The following NEK10 variants were observed in gnomAD, a reference collection of about 807,000 sequenced individuals.
NEK10 encodes serine/threonine-protein kinase Nek10.
A neutral mutation model predicts 159.8 loss-of-function variants in NEK10; 122 were observed. That is an observed-to-expected ratio of 0.76 (90% confidence interval 0.66 to 0.89). The LOEUF (loss-of-function observed/expected upper bound fraction) is 0.89, where lower values mean the gene tolerates loss of function less well. NEK10 is among the 40% of genes least tolerant of loss of function. The pLI, the probability that NEK10 is intolerant of heterozygous loss-of-function variation, is 0.00. For synonymous variants in NEK10, 466 were observed against 457.1 expected, an observed-to-expected ratio of 1.02 and a Z score of -0.25; for missense variants, 1,342 against 1,323.1, an observed-to-expected ratio of 1.01 and a Z score of -0.22.
At chr3:27,319,052 A>C (rs1356527370) in intron 6 of NEK10, among the ~76,000 whole-genome samples, 1 of 152,208 alleles carries the variant, frequency 6.6e-6, no homozygotes, top group Non-Finnish European at 1.5e-5. Flanking sequence ...AACGTGGTAC[A>C]GTGTGTCTCC....
intron 32 of NEK10, among the ~76,000 whole-genome samples, chr3:27,125,592 T>A (rs1941850664): frequency 6.6e-6 from 1 of 152,190 alleles, no homozygotes; most frequent in Non-Finnish European, 1.5e-5. Flanking sequence ...GAGTTTTTAT[T>A]AGCTTTCTAT....
intron 23 of NEK10, among the ~76,000 whole-genome samples, chr3:27,225,397 T>C (rs1376834385): frequency 6.6e-6 from 1 of 152,216 alleles, no homozygotes; most frequent in African/African-American, 2.4e-5. Flanking sequence ...TGACACTCAG[T>C]ATTAACCATC....
chr3:27,196,679 A>G (rs148128381), intron 25 of NEK10, among the ~76,000 whole-genome samples: 2 of 152,328 alleles, frequency 1.3e-5, no homozygotes, highest in East Asian at 3.9e-4. Context: ...CTATTTGCCC[A>G]GATTCACAAA....
At chr3:27,334,067 C>G (rs1052398366) in intron 5 of NEK10, among the ~76,000 whole-genome samples, 1 of 152,200 alleles carries the variant, frequency 6.6e-6, no homozygotes, top group Non-Finnish European at 1.5e-5. Flanking sequence ...AGCCCAGCTT[C>G]ACCCTCCCCT....
intron 5 of NEK10, among the ~76,000 whole-genome samples, chr3:27,328,698 A>G (rs1351574485): frequency 6.6e-6 from 1 of 152,140 alleles, no homozygotes; most frequent in Non-Finnish European, 1.5e-5. Flanking sequence ...GGATTGACAT[A>G]ATCTGAAGGA....
intron 6 of NEK10, among the ~76,000 whole-genome samples, chr3:27,318,934 G>A (rs1372716332): frequency 6.6e-6 from 1 of 152,050 alleles, no homozygotes; most frequent in Non-Finnish European, 1.5e-5. Flanking sequence ...AAAAACTTTG[G>A]GGAAGGTTAT....
chr3:27,299,958 T>C (rs2043674767), intron 13 of NEK10, among the ~76,000 whole-genome samples: 1 of 152,236 alleles, frequency 6.6e-6, no homozygotes, highest in African/African-American at 2.4e-5. Context: ...GGACTTGCCT[T>C]GTCTCAGATG....
intron 5 of NEK10, among the ~76,000 whole-genome samples, chr3:27,340,273 C>G (rs537885832): frequency 6.6e-6 from 1 of 152,100 alleles, no homozygotes; most frequent in Non-Finnish European, 1.5e-5. Context: ...AACCAAACAC[C>G]GCATGTTCTC....
In NEK10 at chr3:27,346,133, C is replaced by A; in HGVS notation, c.216G>T (p.Arg72=). Residue 72 remains arginine (R), a synonymous_variant, in exon 4 of 36, where the codon CGG becomes CGT. Coordinates refer to ENST00000691995, the MANE Select transcript of NEK10 (RefSeq NM_001394966.1). The part of the protein sequence containing the change: ...PAIRAGGHRA[R]GQWHESTEAV... ...CTTCTGTGGATTCATGCCACTGACC[C>A]CGAGCTCTGTGTCCACCCGCCCTGA... 6.2e-7 allele frequency: 1 copy of A among 1,613,762 alleles called. No homozygotes were observed. Among genetic ancestry groups the A allele is most frequent in the Non-Finnish European group, 8.5e-7 (1 of 1,179,730 alleles).
rs539837646 is a variant in NEK10, at chr3:27,286,678, C to G, written c.1789+1020G>C. Among the ~76,000 whole-genome samples, 3 of 151,708 alleles carry G rather than the reference C, an allele frequency of 2.0e-5. No individual in the cohort carries two copies. The South Asian group carries it at 6.2e-4, about 32-fold the overall frequency. On this transcript the variant is annotated intron_variant, in intron 20 of 35. Coordinates refer to ENST00000691995, the MANE Select transcript of NEK10 (RefSeq NM_001394966.1). ...ATGCTAGGATCATAGGCGTGAGCCA[C>G]CGTGCCCGGCCGCCATTTCCAGTTC...
chr3:27,347,592 A>C (rs1297681037), intron 3 of NEK10, among the ~76,000 whole-genome samples: 1 of 151,630 alleles, frequency 6.6e-6, no homozygotes. Context: ...TTACAGAAAA[A>C]TGGATTATAA....
intron 32 of NEK10, among the ~76,000 whole-genome samples, chr3:27,131,381 G>A (rs1942604344): frequency 6.6e-6 from 1 of 152,118 alleles, no homozygotes; most frequent in Non-Finnish European, 1.5e-5. Context: ...TTGTAGTTTA[G>A]TTGCTATATG....
chr3:27,186,893 C>G (rs1209632953), intron 26 of NEK10, among the ~76,000 whole-genome samples: 1 of 152,104 alleles, frequency 6.6e-6, no homozygotes, highest in African/African-American at 2.4e-5. Context: ...CCAAAGCCCC[C>G]ATGTGTCTTG....
At chr3:27,274,618 C>CT (rs1002473897) in intron 22 of NEK10, among the ~76,000 whole-genome samples, 4 of 152,100 alleles carry the variant, frequency 2.6e-5, no homozygotes, top group East Asian at 1.9e-4. Flanking sequence ...GGTGCACTCT[C>CT]TTTTTTTCAC....
intron 32 of NEK10, among the ~76,000 whole-genome samples, chr3:27,124,242 C>T (rs1941675091): frequency 6.6e-6 from 1 of 152,028 alleles, no homozygotes; most frequent in Non-Finnish European, 1.5e-5. Context: ...TAAAAAAATG[C>T]TTAATAACTA....
At chr3:27,196,946 G>A (rs1949611888) in intron 25 of NEK10, among the ~76,000 whole-genome samples, 1 of 152,084 alleles carries the variant, frequency 6.6e-6, no homozygotes, top group Non-Finnish European at 1.5e-5. Flanking sequence ...GGAATCAAAT[G>A]ATTTAAAGAC....
intron 23 of NEK10, among the ~76,000 whole-genome samples, chr3:27,241,305 C>G (rs898530020): frequency 2.0e-5 from 3 of 152,150 alleles, no homozygotes; most frequent in Non-Finnish European, 4.4e-5. Context: ...TAACTTGAAG[C>G]AGATGTTGTA....
chr3:27,352,707 G>T, intron 2 of NEK10, 105 bp downstream of exon 2: 1 of 859,268 alleles, frequency 1.2e-6, no homozygotes, highest in Non-Finnish European at 1.9e-6. Context: ...CTGTAACTCT[G>T]AATAGTAGTT....
intron 30 of NEK10, among the ~76,000 whole-genome samples, chr3:27,145,120 TTC>T (rs1685030065): frequency 6.7e-6 from 1 of 148,318 alleles, no homozygotes; most frequent in African/African-American, 2.5e-5. Context: ...ACGCTACACT[TTC>T]TGACTGTTCA....
Sources: gnomAD v4.1 joint callset for allele counts (sites outside exome capture counted in the v4.1 genomes callset) on GRCh38, gnomAD v4.1.1 for gene constraint, MANE v1.5 for transcripts, NCBI Gene and HGNC (gene_info 2026-07-23, HGNC 2026-07-21) for gene names.